Variants in ECT2 observed in about 807,000 individuals in gnomAD.
The protein encoded by ECT2 is protein ECT2.
ECT2 carries 61 observed loss-of-function variants against 116.9 expected under a neutral mutation model. The ratio of observed to expected loss-of-function variants is 0.52; its 90% CI spans 0.42 to 0.65. ECT2 has a LOEUF of 0.65. ECT2 is among the 30% of genes least tolerant of loss of function. ECT2 has a pLI of 0.00. For missense variants in ECT2, 937 were observed against 1,078.7 expected (o/e 0.87, Z 1.84); for synonymous variants, 358 against 346.4 (o/e 1.03, Z -0.37).
rs748578382 is a variant in ECT2 at position 172,802,699 on chromosome 3, G to A, written c.1986+5G>A. 7 of 1,583,216 alleles carry A rather than the reference G, an allele frequency of 4.4e-6. No homozygotes were observed. Among genetic ancestry groups the A allele is most frequent in the African/African-American group, 2.7e-5 (2 of 73,222 alleles). On this transcript the variant is annotated splice_donor_5th_base_variant and intron_variant, in intron 19 of 24. Coordinates refer to ENST00000392692, the MANE Select transcript of ECT2 (RefSeq NM_001258315.2). ...TATGAAGTAGATGGATGCCCAGTAA[G>A]TATTCTTCTTTAACAATTATTAATT...
At chr3:172,781,457 C>CT (rs1315500869) in intron 14 of ECT2, among the ~76,000 whole-genome samples, 1 of 152,154 alleles carries the variant, frequency 6.6e-6, no homozygotes, top group Non-Finnish European at 1.5e-5. Flanking sequence ...TTTGTTGAAA[C>CT]TTTAGAGAGT....
chr3:172,820,157 T>A lies in ECT2; in HGVS notation c.2665T>A (p.Ser889Thr), dbSNP rs776774300. 1 of 1,608,862 alleles carries A rather than the reference T, an allele frequency of 6.2e-7. No homozygotes were observed. The highest frequency in any genetic ancestry group is 8.5e-7 in the Non-Finnish European group (1 of 1,176,764). ...TGTTTTGTCTTAACAGGGTATCCCT[T>A]CTCCCTCCCTTGTCAGCCTTCCTTC... ...SSTSSLAGIP[S>T]PSLVSLPSFF... Residue 889 changes from serine to threonine, a missense_variant, in exon 25 of 25, where the codon TCT becomes ACT. Transcript: ENST00000392692.
chr3:172,767,930 C>T (rs2108424160), intron 12 of ECT2, among the ~76,000 whole-genome samples: 1 of 152,240 alleles, frequency 6.6e-6, no homozygotes, highest in East Asian at 1.9e-4. Flanking sequence ...TGAGGTTTCA[C>T]CATGTTGGCC....
intron 24 of ECT2, among the ~76,000 whole-genome samples, chr3:172,818,059 T>G (rs1392930470): frequency 6.6e-6 from 1 of 152,172 alleles, no homozygotes; most frequent in East Asian, 1.9e-4. Context: ...TTGTGAGTGC[T>G]CTTGAGTTTT....
At chr3:172,811,188 A>G (rs1728713795) in intron 22 of ECT2, among the ~76,000 whole-genome samples, 1 of 152,116 alleles carries the variant, frequency 6.6e-6, no homozygotes, top group Non-Finnish European at 1.5e-5. Context: ...ACTAAAAAGC[A>G]GAAAGTTTTT....
At chr3:172,826,566 A>G in the ECT2 span, among the ~76,000 whole-genome samples, 16 of 152,242 alleles carry the variant, frequency 1.1e-4, no homozygotes, top group Non-Finnish European at 1.9e-4. Flanking sequence ...GCAGGATTTG[A>G]GAGGACTGAC....
downstream of ECT2, among the ~76,000 whole-genome samples, chr3:172,823,011 A>G (rs1019725341): frequency 6.6e-6 from 1 of 152,084 alleles, no homozygotes; most frequent in African/African-American, 2.4e-5. Context: ...AAAATCAAGC[A>G]TGCACATTAA....
intron 22 of ECT2, among the ~76,000 whole-genome samples, chr3:172,808,972 C>G (rs1402836285): frequency 1.3e-5 from 2 of 151,982 alleles, no homozygotes; most frequent in Non-Finnish European, 2.9e-5. Context: ...ACAAAAGATT[C>G]AGAGAGGGAA....
chr3:172,776,198 C>CTTTTTCT (rs1559967386), intron 14 of ECT2, among the ~76,000 whole-genome samples: 2 of 111,584 alleles, frequency 1.8e-5, no homozygotes, highest in Admixed American at 9.6e-5. Flanking sequence ...TCAGTTTTTT[C>CTTTTTCT]TTTTTTTTTT....
intron 13 of ECT2, among the ~76,000 whole-genome samples, chr3:172,772,704 G>T (rs143245713): frequency 2.2e-3 from 338 of 152,170 alleles, no homozygotes; most frequent in African/African-American, 7.9e-3. Context: ...AAGTCATGAA[G>T]ATTTTCTCTT....
At chr3:172,761,520 A>G in intron 7 of ECT2, 90 bp from the exon 8 acceptor site, 1 of 843,940 alleles carries the variant, frequency 1.2e-6, no homozygotes, top group Non-Finnish European at 1.9e-6. Context: ...GTGATCTAAA[A>G]CTGCAAAAAA....
intron 24 of ECT2, among the ~76,000 whole-genome samples, chr3:172,817,287 C>T (rs976243970): frequency 1.3e-5 from 2 of 152,116 alleles, no homozygotes; most frequent in African/African-American, 4.8e-5. Flanking sequence ...ATCCAAACCT[C>T]TAACCTCTTT....
chr3:172,826,708 A>G, the ECT2 span, among the ~76,000 whole-genome samples: 1 of 152,182 alleles, frequency 6.6e-6, no homozygotes, highest in Non-Finnish European at 1.5e-5. Context: ...AGAAATTGCC[A>G]CTGCCTCCCA....
the ECT2 span, chr3:172,828,786 C>A: frequency 1.5e-6 from 1 of 675,058 alleles, no homozygotes. Flanking sequence ...CCCCCCATGG[C>A]CTCAGACAGG....
In ECT2 at chr3:172,769,021, T is replaced by C; in HGVS notation, c.1306T>C (p.Cys436Arg). The part of the protein sequence containing the change: ...SINYGDTPKS[C>R]TKSSKSSTPV... Reference sequence around the variant, plus strand: ...TAACGTTTCAGACACCCCAAAGTCTTGTACTAAGTCTTCTAAAAGCTCCAC... The same window carrying C: ...TAACGTTTCAGACACCCCAAAGTCTCGTACTAAGTCTTCTAAAAGCTCCAC... Residue 436 changes from cysteine to arginine, a missense_variant, in exon 13 of 25, where the codon TGT becomes CGT. By Grantham distance (180) the Cys-to-Arg change is radical. Transcript: ENST00000392692. 2 of 1,611,648 alleles carry C rather than the reference T, an allele frequency of 1.2e-6. No homozygotes were observed. The highest frequency in any genetic ancestry group is 1.1e-5 in the South Asian group (1 of 90,366).
intron 14 of ECT2, among the ~76,000 whole-genome samples, chr3:172,774,868 A>G (rs1269766733): frequency 2.6e-5 from 4 of 152,236 alleles, no homozygotes; most frequent in African/African-American, 7.2e-5. Flanking sequence ...TATGAAATCT[A>G]TTCTGTAGAA....
intron 14 of ECT2, among the ~76,000 whole-genome samples, chr3:172,781,763 T>TA (rs757809849): frequency 8.5e-4 from 129 of 152,276 alleles, no homozygotes; most frequent in Admixed American, 1.8e-3. Context: ...GACCCCCTGT[T>TA]AGAGATTACA....
chr3:172,815,800 A>ACTATCTTTATACTG, intron 23 of ECT2, 89 bp downstream of exon 23: 1 of 850,540 alleles, frequency 1.2e-6, no homozygotes, highest in South Asian at 1.6e-5. Context: ...ACCAGTATAA[A>ACTATCTTTATACTG]GATAGTTTAT....
In ECT2 at chr3:172,778,382, AG is replaced by A. The variant is rs549351219; in HGVS notation, c.1549-3780del. On this transcript the variant is annotated intron_variant, in intron 14 of 24. Transcript: ENST00000392692. ...TTCCCTCAGAAATGTTGTAAGAAGT[AG>A]TGGTATTATGAATAAAGCTACTGGG... Among the ~76,000 whole-genome samples the A allele has an allele frequency of 2.3e-3, 350 of 152,260 alleles. 2 individuals are homozygous for A. The highest frequency in any genetic ancestry group is 8.1e-3 in the African/African-American group (338 of 41,532).
Sources: gnomAD v4.1 joint callset for allele counts (sites outside exome capture counted in the v4.1 genomes callset) on GRCh38, gnomAD v4.1.1 for gene constraint, MANE v1.5 for transcripts, NCBI Gene and HGNC (gene_info 2026-07-23, HGNC 2026-07-21) for gene names.